KHDRBS2: variants seen among roughly 807,000 people sequenced by gnomAD.
KHDRBS2 encodes the protein KH RNA binding domain containing, signal transduction associated 2, also known as KH domain-containing, RNA-binding, signal transduction-associated protein 2.
Under a neutral mutation model 44.3 loss-of-function variants are expected in KHDRBS2, and 26 were observed. The observed-to-expected ratio is 0.59, with a 90% CI of 0.43 to 0.81. The LOEUF (loss-of-function observed/expected upper bound fraction) is 0.81. Ranked by LOEUF, KHDRBS2 falls within the 40% of genes least tolerant of loss-of-function variation. The pLI is 0.00. For missense variants in KHDRBS2, 476 were observed against 433.1 expected, an observed-to-expected ratio of 1.10 and a Z score of -0.88; for synonymous variants, 194 against 151.1, an observed-to-expected ratio of 1.28 and a Z score of -2.08.
the KHDRBS2 span, among the ~76,000 whole-genome samples, chr6:61,602,759 C>A: frequency 1.3e-5 from 2 of 152,232 alleles, no homozygotes; most frequent in East Asian, 3.9e-4. Flanking sequence ...TATTGATGGC[C>A]AGGCTTCTAA....
intron 6 of KHDRBS2, among the ~76,000 whole-genome samples, chr6:61,733,650 A>G (rs780531482): frequency 6.6e-6 from 1 of 152,148 alleles, no homozygotes; most frequent in African/African-American, 2.4e-5. Context: ...TTTAAATCTC[A>G]TAAGTAAAAT....
chr6:62,041,392 C>G (rs1401177984), intron 3 of KHDRBS2, among the ~76,000 whole-genome samples: 1 of 151,988 alleles, frequency 6.6e-6, no homozygotes, highest in Non-Finnish European at 1.5e-5. Flanking sequence ...AAATAATAGA[C>G]CATCCTCAGT....
chr6:61,595,641 A>C, the KHDRBS2 span, among the ~76,000 whole-genome samples: 1 of 151,940 alleles, frequency 6.6e-6, no homozygotes, highest in African/African-American at 2.4e-5. Flanking sequence ...TTTCTAGTGA[A>C]AACCTAGAAA....
intron 6 of KHDRBS2, among the ~76,000 whole-genome samples, chr6:61,795,525 A>T (rs1324199776): frequency 6.6e-6 from 1 of 152,076 alleles, no homozygotes; most frequent in African/African-American, 2.4e-5. Flanking sequence ...GAAGCCACTG[A>T]TATAAATTAT....
chr6:62,197,134 G>C (rs1443938982), intron 1 of KHDRBS2, among the ~76,000 whole-genome samples: 1 of 152,032 alleles, frequency 6.6e-6, no homozygotes, highest in Non-Finnish European at 1.5e-5. Context: ...TTCAGAACAA[G>C]GATGTAGAAT....
intron 6 of KHDRBS2, among the ~76,000 whole-genome samples, chr6:61,762,262 T>C (rs1388224468): frequency 6.6e-6 from 1 of 152,206 alleles, no homozygotes; most frequent in Non-Finnish European, 1.5e-5. Context: ...CTGGATACTT[T>C]TTCCTCCCCA....
the KHDRBS2 span, among the ~76,000 whole-genome samples, chr6:61,638,813 A>G: frequency 0.016 from 2,434 of 152,198 alleles, 65 homozygotes; most frequent in African/African-American, 0.057. Flanking sequence ...AAAAGTTTGG[A>G]GTTTGAGGTT....
At chr6:61,901,999 A>G (rs1422142297) in intron 4 of KHDRBS2, among the ~76,000 whole-genome samples, 2 of 152,106 alleles carry the variant, frequency 1.3e-5, no homozygotes, top group Non-Finnish European at 2.9e-5. Context: ...TCTGTCGCCC[A>G]CGCTGGAGTA....
chr6:61,916,269 T>C (rs62414719), intron 4 of KHDRBS2, among the ~76,000 whole-genome samples: 28,559 of 152,022 alleles, frequency 0.19, 2,877 homozygotes, highest in Non-Finnish European at 0.23. Flanking sequence ...AAGCTGTACA[T>C]GTAAAGACAG....
At chr6:61,678,091 C>A (rs972337425), downstream of KHDRBS2, among the ~76,000 whole-genome samples, 6 of 140,852 alleles carry the variant, frequency 4.3e-5, no homozygotes, top group African/African-American at 1.5e-4. Flanking sequence ...AACATCAGAC[C>A]AAGTCGATCA....
intron 6 of KHDRBS2, among the ~76,000 whole-genome samples, chr6:61,795,922 A>T (rs1234975231): frequency 6.6e-6 from 1 of 152,118 alleles, no homozygotes; most frequent in Non-Finnish European, 1.5e-5. Context: ...TTTAAAAAAA[A>T]GTGAAGAAAA....
At chr6:61,570,681 T>C in the KHDRBS2 span, among the ~76,000 whole-genome samples, 4 of 152,264 alleles carry the variant, frequency 2.6e-5, no homozygotes, top group Admixed American at 2.6e-4. Context: ...AAGTATCAGA[T>C]AACCTATAGA....
intron 6 of KHDRBS2, among the ~76,000 whole-genome samples, chr6:61,871,069 G>C (rs1029553706): frequency 6.6e-6 from 1 of 152,138 alleles, no homozygotes; most frequent in Non-Finnish European, 1.5e-5. Context: ...CTGAGCTAAA[G>C]GAGCATGTTC....
At chr6:61,763,944 G>T (rs147085254) in intron 6 of KHDRBS2, among the ~76,000 whole-genome samples, 9 of 151,992 alleles carry the variant, frequency 5.9e-5, no homozygotes, top group Non-Finnish European at 1.2e-4. Context: ...ATTAAGCCCC[G>T]CATGCATTAG....
the KHDRBS2 span, among the ~76,000 whole-genome samples, chr6:61,597,106 T>G: frequency 6.6e-6 from 1 of 152,360 alleles, no homozygotes; most frequent in Non-Finnish European, 1.5e-5. Flanking sequence ...GAAAAGTATC[T>G]TAAACAAAAG....
chr6:62,213,645 C>T (rs1263453286), intron 1 of KHDRBS2, among the ~76,000 whole-genome samples: 6 of 151,690 alleles, frequency 4.0e-5, no homozygotes, highest in Non-Finnish European at 4.4e-5. Context: ...GAGGCTGAGA[C>T]GGTCGGATCA....
Position 61,901,416 on chromosome 6 carries a change from G to A in KHDRBS2, c.484-45C>T, listed in dbSNP as rs375213021. On this transcript the variant is annotated intron_variant, in intron 4 of 8. Coordinates refer to ENST00000281156, the MANE Select transcript of KHDRBS2 (RefSeq NM_152688.4). The stretch of plus-strand genomic sequence containing the variant: ...TGATGAGTTAAAAATGGGACATGCC[G>A]TTCTCAGAGTTGGAAAAAAAAAAAA... 3.3e-5 allele frequency: 47 copies of A among 1,442,566 alleles called. 1 individual carries two copies. Among genetic ancestry groups the A allele is most frequent in the East Asian group, 1.9e-4 (8 of 41,512 alleles). The allele number at this position is 1,442,566 out of a possible 1,614,324, so 89.4% of individuals were successfully genotyped here.
chr6:62,084,910 G>T (rs1319633899), intron 2 of KHDRBS2, among the ~76,000 whole-genome samples: 1 of 152,078 alleles, frequency 6.6e-6, no homozygotes, highest in African/African-American at 2.4e-5. Flanking sequence ...AAGTGATTTA[G>T]TGAATTCTGA....
At chr6:62,046,365 C>T (rs1356842054) in intron 3 of KHDRBS2, among the ~76,000 whole-genome samples, 1 of 151,826 alleles carries the variant, frequency 6.6e-6, no homozygotes, top group Non-Finnish European at 1.5e-5. Flanking sequence ...TCTGCATGTG[C>T]AAAGCTAACT....
Sources: allele counts gnomAD v4.1 joint callset (sites outside exome capture counted in the v4.1 genomes callset), GRCh38; gene constraint gnomAD v4.1.1; transcripts MANE v1.5; gene names NCBI Gene and HGNC (gene_info 2026-07-23, HGNC 2026-07-21).